XKR6: variants seen among roughly 807,000 people sequenced by gnomAD.
The protein encoded by XKR6 is XK-related protein 6.
XKR6 carries 22 observed loss-of-function variants against 56.7 expected under a neutral mutation model. The ratio of observed to expected loss-of-function variants is 0.39; its 90% confidence interval spans 0.28 to 0.55. XKR6 has a LOEUF of 0.55. Among genes scored for constraint, XKR6 ranks in the 20% least tolerant of loss-of-function variants. The pLI, the probability that XKR6 is intolerant of heterozygous loss-of-function variation, is 0.66. For missense variants in XKR6, 852 were observed against 889.0 expected (o/e 0.96, Z 0.53); for synonymous variants, 524 against 387.8 (o/e 1.35, Z -4.13).
intron 1 of XKR6, among the ~76,000 whole-genome samples, chr8:11,086,514 G>A (rs1216632365): frequency 6.6e-6 from 1 of 152,122 alleles, no homozygotes; most frequent in South Asian, 2.1e-4. Flanking sequence ...CTAACGGGAG[G>A]AACACACTAC....
intron 1 of XKR6, among the ~76,000 whole-genome samples, chr8:11,142,855 A>G (rs1800776221): frequency 6.6e-6 from 1 of 152,258 alleles, no homozygotes; most frequent in South Asian, 2.1e-4. Flanking sequence ...GATGAGAATG[A>G]CAATGAATTG....
chr8:11,184,883 C>A lies in XKR6; in HGVS notation c.764+15693G>T, dbSNP rs142872204. Among the ~76,000 whole-genome samples, 709 of 152,260 alleles carry A rather than the reference C, an allele frequency of 4.7e-3. 3 individuals are homozygous for A. Among genetic ancestry groups the A allele is most frequent in the African/African-American group, 0.016 (664 of 41,540 alleles). ...AATCCATCCCCAGGGGTTACTAACA[C>A]ACAAACCAAATAGAATTCCATATAT... On this transcript the variant is annotated intron_variant, in intron 1 of 2. Coordinates refer to ENST00000416569, the MANE Select transcript of XKR6 (RefSeq NM_173683.4).
rs1217327949 is a variant in XKR6 at position 11,006,505 on chromosome 8, G to C, written c.765-81675C>G. On this transcript the variant is annotated intron_variant, in intron 1 of 2. Transcript: ENST00000416569. ...GTGAGGATGTATATTCTATTGATGA[G>C]AGACAGAAAAGTAAACCACCAAGTG... Among the ~76,000 whole-genome samples the C allele has an allele frequency of 3.9e-5, 6 of 152,294 alleles. No homozygotes were observed. In the Middle Eastern group the frequency reaches 0.01, roughly 259 times the overall value.
chr8:11,116,342 C>T (rs1025425534), intron 1 of XKR6, among the ~76,000 whole-genome samples: 13 of 152,166 alleles, frequency 8.5e-5, no homozygotes, highest in African/African-American at 2.4e-4. Context: ...GAGAACCTGT[C>T]GGCTACCCAC....
At chr8:11,137,561 A>C in intron 1 of XKR6, 1 of 456,288 alleles carries the variant, frequency 2.2e-6, no homozygotes, top group Non-Finnish European at 4.4e-6. Flanking sequence ...GTGTTCTGGA[A>C]GAAAAAGACA....
intron 1 of XKR6, among the ~76,000 whole-genome samples, chr8:11,033,583 C>A (rs1563358174): frequency 6.6e-6 from 1 of 152,106 alleles, no homozygotes; most frequent in East Asian, 1.9e-4. Flanking sequence ...GGTGATGATA[C>A]TGTTAATGGC....
At chr8:11,162,176 C>G (rs1464460725) in intron 1 of XKR6, among the ~76,000 whole-genome samples, 1 of 152,156 alleles carries the variant, frequency 6.6e-6, no homozygotes, top group East Asian at 1.9e-4. Context: ...AAAGAATTAG[C>G]AAAGAAACTA....
intron 1 of XKR6, among the ~76,000 whole-genome samples, chr8:11,188,646 G>C (rs1235710817): frequency 6.6e-6 from 1 of 152,192 alleles, no homozygotes; most frequent in Non-Finnish European, 1.5e-5. Flanking sequence ...TAAATGTACA[G>C]TGTAGGGTGA....
chr8:11,106,863 A>AAAAAAAAAAAAAAAAAAAAAG lies in XKR6; in HGVS notation c.764+93712_764+93713insCTTTTTTTTTTTTTTTTTTTT, dbSNP rs60435831. Among the ~76,000 whole-genome samples, 286 of 109,876 alleles carry AAAAAAAAAAAAAAAAAAAAAG rather than the reference A, an allele frequency of 2.6e-3. 32 individuals carry two copies. The highest frequency in any genetic ancestry group is 0.013 in the African/African-American group (271 of 21,596). 72.1% of individuals were successfully genotyped at this position (109,876 alleles called of 152,430 possible). A position where few individuals can be genotyped will look rare whatever the true frequency, so the allele number is the denominator to read the frequency against. ...GAGACTTCATCTCAAAAAAAAAAAAAAATAAAAAAGATACAACGTTACAAA... is the reference window on the plus strand; with the variant it reads ...GAGACTTCATCTCAAAAAAAAAAAAAAAAAAAAAAAAAAAAAAAAAGAATAAAAAAGATACAACGTTACAAA... On this transcript the variant is annotated intron_variant, in intron 1 of 2. Transcript: ENST00000416569.
chr8:11,114,727 A>ATATGTGTGTGTG (rs781375847), intron 1 of XKR6, among the ~76,000 whole-genome samples: 6 of 118,370 alleles, frequency 5.1e-5, no homozygotes, highest in Non-Finnish European at 8.3e-5. Context: ...TAGATCACAT[A>ATATGTGTGTGTG]TGTGTGTGTG....
intron 1 of XKR6, among the ~76,000 whole-genome samples, chr8:11,199,208 C>A (rs1243221601): frequency 6.6e-6 from 1 of 152,198 alleles, no homozygotes; most frequent in African/African-American, 2.4e-5. Context: ...CTGGGTGGTG[C>A]AGGGCCTACG....
At chr8:11,102,886 T>G (rs1378435996) in intron 1 of XKR6, among the ~76,000 whole-genome samples, 2 of 152,206 alleles carry the variant, frequency 1.3e-5, no homozygotes, top group African/African-American at 4.8e-5. Flanking sequence ...TTCTTATTCT[T>G]GCTCTGAGTT....
intron 1 of XKR6, among the ~76,000 whole-genome samples, chr8:10,946,170 C>T (rs568110548): frequency 2.3e-4 from 35 of 152,054 alleles, no homozygotes; most frequent in Middle Eastern, 3.4e-3. Context: ...CACAATCTGC[C>T]GGGACCCAAG....
intron 1 of XKR6, among the ~76,000 whole-genome samples, chr8:10,980,102 G>A (rs1358725073): frequency 6.6e-6 from 1 of 152,238 alleles, no homozygotes; most frequent in African/African-American, 2.4e-5. Flanking sequence ...ATGCAGGCCT[G>A]GAGCCCAGAA....
intron 1 of XKR6, among the ~76,000 whole-genome samples, chr8:11,139,446 T>A (rs1800571304): frequency 6.6e-6 from 1 of 151,960 alleles, no homozygotes; most frequent in Non-Finnish European, 1.5e-5. Flanking sequence ...CCTGAGGCAC[T>A]CACTGAAAAG....
intron 1 of XKR6, among the ~76,000 whole-genome samples, chr8:11,098,152 C>T (rs1738096159): frequency 6.6e-6 from 1 of 152,118 alleles, no homozygotes; most frequent in Admixed American, 6.5e-5. Context: ...AATCCCACGA[C>T]CCACTCCAGA....
At chr8:11,068,568 A>G (rs989958200) in intron 1 of XKR6, among the ~76,000 whole-genome samples, 1 of 152,156 alleles carries the variant, frequency 6.6e-6, no homozygotes, top group African/African-American at 2.4e-5. Context: ...TCTTCTGCAG[A>G]AAGCTACTGC....
At chr8:11,180,876 C>A (rs1012375434) in intron 1 of XKR6, among the ~76,000 whole-genome samples, 1 of 152,206 alleles carries the variant, frequency 6.6e-6, no homozygotes, top group Non-Finnish European at 1.5e-5. Context: ...TATTGCACTA[C>A]AGCCTGAGCA....
chr8:11,169,271 C>T (rs1424503043), intron 1 of XKR6, among the ~76,000 whole-genome samples: 1 of 152,174 alleles, frequency 6.6e-6, no homozygotes, highest in Non-Finnish European at 1.5e-5. Context: ...TGTGTCCATG[C>T]TCCTTAATTT....
Sources: allele counts gnomAD v4.1 joint callset (sites outside exome capture counted in the v4.1 genomes callset), GRCh38; gene constraint gnomAD v4.1.1; transcripts MANE v1.5; gene names NCBI Gene and HGNC (gene_info 2026-07-23, HGNC 2026-07-21).